Variants in MAGI1 observed in about 807,000 individuals in gnomAD.
MAGI1 encodes the protein membrane-associated guanylate kinase, WW and PDZ domain-containing protein 1.
A neutral mutation model predicts 139.9 loss-of-function variants in MAGI1; 58 were observed. The observed-to-expected ratio is 0.41, with a 90% CI of 0.34 to 0.52. The LOEUF (loss-of-function observed/expected upper bound fraction) is 0.52, where lower values mean the gene tolerates loss of function less well. Ranked by LOEUF, MAGI1 falls within the 20% of genes least tolerant of loss-of-function variation. MAGI1 has a pLI of 0.12. For synonymous variants in MAGI1, 812 were observed against 737.9 expected (o/e 1.10, Z -1.63); for missense variants, 1,874 against 1,901.6 (o/e 0.99, Z 0.27).
intron 1 of MAGI1, among the ~76,000 whole-genome samples, chr3:66,000,624 A>G (rs115979085): frequency 0.013 from 2,015 of 152,320 alleles, 40 homozygotes; most frequent in African/African-American, 0.046. Context: ...AAGGTATTCC[A>G]CACTGGAGTA....
intron 12 of MAGI1, among the ~76,000 whole-genome samples, chr3:65,412,415 CTT>C (rs1413877203): frequency 2.6e-5 from 4 of 152,190 alleles, no homozygotes; most frequent in Admixed American, 2.6e-4. Flanking sequence ...AACCCAGTGT[CTT>C]TGTTTTCATT....
chr3:65,630,437 G>A (rs1475086620), intron 1 of MAGI1, among the ~76,000 whole-genome samples: 1 of 152,172 alleles, frequency 6.6e-6, no homozygotes, highest in African/African-American at 2.4e-5. Context: ...GAAACAGCAT[G>A]AAGCTCAGAC....
intron 1 of MAGI1, among the ~76,000 whole-genome samples, chr3:65,781,794 A>T (rs2038955727): frequency 6.6e-6 from 1 of 152,246 alleles, no homozygotes; most frequent in Non-Finnish European, 1.5e-5. Context: ...TGATTCTCTC[A>T]TTAATCTCCA....
At position 65,395,636 on chromosome 3, in the gene MAGI1, C is replaced by CAAAAAAAAAAAAAAAAAAAAAAAAA. The variant is rs58806140; in HGVS notation, c.2200-4279_2200-4278insTTTTTTTTTTTTTTTTTTTTTTTTT. ...TGGGTGACAGAGCGAGACTCCATCT[C>CAAAAAAAAAAAAAAAAAAAAAAAAA]AAAAAAAAAAAAAAAAAAAAAGAGG... On this transcript the variant is annotated intron_variant, in intron 13 of 22. Transcript: ENST00000402939. 3.5e-3 allele frequency among the ~76,000 whole-genome samples: 67 copies of CAAAAAAAAAAAAAAAAAAAAAAAAA among 19,170 alleles called. 16 individuals carry two copies. Among genetic ancestry groups the CAAAAAAAAAAAAAAAAAAAAAAAAA allele is most frequent in the Admixed American group, 4.4e-3 (7 of 1,582 alleles). The allele number at this position is 19,170 out of a possible 152,430, so 12.6% of individuals were successfully genotyped here.
At chr3:65,664,943 A>T (rs1576647234) in intron 1 of MAGI1, among the ~76,000 whole-genome samples, 2 of 152,164 alleles carry the variant, frequency 1.3e-5, no homozygotes, top group South Asian at 4.1e-4. Flanking sequence ...TATGGCCTAT[A>T]TTTTTGCTTC....
At chr3:65,988,618 G>C (rs967720579) in intron 1 of MAGI1, among the ~76,000 whole-genome samples, 2 of 152,164 alleles carry the variant, frequency 1.3e-5, no homozygotes, top group Non-Finnish European at 1.5e-5. Context: ...AATCAGATCA[G>C]CCTGTAGTTT....
At chr3:65,969,123 T>C (rs926049995) in intron 1 of MAGI1, among the ~76,000 whole-genome samples, 2 of 152,180 alleles carry the variant, frequency 1.3e-5, no homozygotes, top group African/African-American at 2.4e-5. Flanking sequence ...AAGGGAAGAA[T>C]TGAGGCTGGT....
At chr3:65,399,773 T>G (rs369941655) in intron 13 of MAGI1, among the ~76,000 whole-genome samples, 1 of 152,310 alleles carries the variant, frequency 6.6e-6, no homozygotes. Context: ...TTTGATAGCC[T>G]TTGGGTTCAC....
At chr3:65,957,412 C>T (rs1447819626) in intron 1 of MAGI1, among the ~76,000 whole-genome samples, 1 of 150,768 alleles carries the variant, frequency 6.6e-6, no homozygotes, top group Non-Finnish European at 1.5e-5. Context: ...TCCCAGCTAC[C>T]CGCGGCGCTG....
intron 22 of MAGI1, chr3:65,359,823 G>A (rs1367183698): frequency 1.0e-6 from 1 of 985,490 alleles, no homozygotes; most frequent in African/African-American, 1.7e-5. Context: ...AACAGACATA[G>A]GTTTTGAGAA....
chr3:65,817,397 A>G (rs1227250298), intron 1 of MAGI1, among the ~76,000 whole-genome samples: 3 of 152,166 alleles, frequency 2.0e-5, no homozygotes, highest in African/African-American at 7.2e-5. Flanking sequence ...TTCTGAATGG[A>G]GCTTGCAAAA....
At chr3:65,509,825 C>T (rs1166397400) in intron 2 of MAGI1, among the ~76,000 whole-genome samples, 1 of 152,114 alleles carries the variant, frequency 6.6e-6, no homozygotes, top group Admixed American at 6.5e-5. Flanking sequence ...GCCTGCCTGC[C>T]TCTGTAGGCT....
chr3:66,038,057 A>T lies in MAGI1; in HGVS notation c.252T>A (p.Tyr84Ter), dbSNP rs1443956902. 6 of 1,612,176 alleles carry T rather than the reference A, an allele frequency of 3.7e-6. No homozygotes were observed. The highest frequency in any genetic ancestry group is 5.1e-6 in the Non-Finnish European group (6 of 1,179,268). Residue 84 changes from tyrosine (Y) to a stop codon, truncating the protein, a stop_gained, in exon 1 of 23, where the codon TAT becomes TAA. Transcript: ENST00000402939. LOFTEE classifies it high-confidence loss of function. ...QGVRVSGLPR[Y>*]DVLGVIDSCK... The stretch of plus-strand genomic sequence containing the variant: ...AGCTGTCGATGACCCCCAGCACGTC[A>T]TAGCGGGGCAAGCCGGACACCCGGA...
intron 2 of MAGI1, among the ~76,000 whole-genome samples, chr3:65,548,124 C>G (rs1191992655): frequency 6.6e-6 from 1 of 152,204 alleles, no homozygotes; most frequent in East Asian, 1.9e-4. Flanking sequence ...GATGTGAATA[C>G]GCTTTGCTCT....
intron 2 of MAGI1, among the ~76,000 whole-genome samples, chr3:65,606,478 T>C (rs1035312299): frequency 1.3e-5 from 2 of 152,012 alleles, no homozygotes; most frequent in Non-Finnish European, 2.9e-5. Context: ...GTAGCTGCGA[T>C]TACAGGTGTA....
At chr3:65,787,800 T>C (rs886454680) in intron 1 of MAGI1, among the ~76,000 whole-genome samples, 3 of 151,994 alleles carry the variant, frequency 2.0e-5, no homozygotes, top group East Asian at 1.9e-4. Flanking sequence ...CGTTAAAATA[T>C]GGGGAGAAAG....
intron 2 of MAGI1, among the ~76,000 whole-genome samples, chr3:65,499,229 C>A (rs2076992199): frequency 6.6e-6 from 1 of 151,692 alleles, no homozygotes; most frequent in Non-Finnish European, 1.5e-5. Flanking sequence ...ACAAAAAAGA[C>A]CAAAACAAAA....
intron 1 of MAGI1, among the ~76,000 whole-genome samples, chr3:65,709,634 T>C (rs1035394759): frequency 6.6e-6 from 1 of 152,234 alleles, no homozygotes; most frequent in Admixed American, 6.5e-5. Context: ...CAAGACCAGA[T>C]GCACTTCGGA....
intron 1 of MAGI1, among the ~76,000 whole-genome samples, chr3:65,890,191 C>T (rs1187345568): frequency 6.6e-6 from 1 of 152,022 alleles, no homozygotes; most frequent in Non-Finnish European, 1.5e-5. Flanking sequence ...AGTGAAACCC[C>T]GTCTCTACTA....
Sources: allele counts gnomAD v4.1 joint callset (sites outside exome capture counted in the v4.1 genomes callset), GRCh38; gene constraint gnomAD v4.1.1; transcripts MANE v1.5; gene names NCBI Gene and HGNC (gene_info 2026-07-23, HGNC 2026-07-21).